The following CENPP variants were observed in gnomAD, a reference collection of about 807,000 sequenced individuals.
CENPP encodes centromere protein P.
In CENPP, 24 loss-of-function variants were observed where a neutral mutation model predicts 35.6. The ratio of observed to expected loss-of-function variants is 0.67; its 90% confidence interval spans 0.49 to 0.95. CENPP has a LOEUF of 0.95. Among genes scored for constraint, CENPP ranks in the 40% least tolerant of loss-of-function variants. CENPP has a pLI of 0.00. For synonymous variants in CENPP, 120 were observed against 125.5 expected, an observed-to-expected ratio of 0.96 and a Z score of 0.29; for missense variants, 332 against 345.3, an observed-to-expected ratio of 0.96 and a Z score of 0.31.
intron 5 of CENPP, among the ~76,000 whole-genome samples, chr9:92,538,530 A>T (rs774779483): frequency 2.0e-5 from 3 of 152,248 alleles, no homozygotes; most frequent in Admixed American, 6.5e-5. Context: ...TTAAAGTAAC[A>T]GCACTGAGGA....
intron 5 of CENPP, among the ~76,000 whole-genome samples, chr9:92,525,540 C>G (rs537379077): frequency 3.9e-5 from 6 of 152,236 alleles, no homozygotes; most frequent in African/African-American, 1.2e-4. Context: ...ACGCATTACT[C>G]ATAATGTTTG....
intron 3 of CENPP, among the ~76,000 whole-genome samples, chr9:92,345,266 A>G (rs558213903): frequency 6.6e-6 from 1 of 151,376 alleles, no homozygotes; most frequent in East Asian, 2.0e-4. Flanking sequence ...AAAAACAAAA[A>G]CAAAACAAAC....
At chr9:92,591,139 G>T (rs1850653088) in intron 5 of CENPP, among the ~76,000 whole-genome samples, 1 of 151,742 alleles carries the variant, frequency 6.6e-6, no homozygotes, top group Admixed American at 6.6e-5. Context: ...CCTGCAGGGG[G>T]CCGGGTGCGG....
intron 5 of CENPP, among the ~76,000 whole-genome samples, chr9:92,535,304 T>C (rs1849100763): frequency 6.6e-6 from 1 of 152,192 alleles, no homozygotes. Flanking sequence ...ATATACAGAA[T>C]TTTGCTTTGC....
chr9:92,504,805 C>T (rs1316028500), intron 5 of CENPP, among the ~76,000 whole-genome samples: 1 of 152,184 alleles, frequency 6.6e-6, no homozygotes, highest in Non-Finnish European at 1.5e-5. Flanking sequence ...TCCCAGAGTG[C>T]TGGGATTACT....
At chr9:92,420,189 A>C (rs921042377) in intron 5 of CENPP, among the ~76,000 whole-genome samples, 6 of 152,044 alleles carry the variant, frequency 3.9e-5, no homozygotes, top group Non-Finnish European at 5.9e-5. Flanking sequence ...TCAGACCACT[A>C]TCTCTATGTA....
chr9:92,382,938 G>A (rs371553516), intron 5 of CENPP, among the ~76,000 whole-genome samples: 24 of 116,078 alleles, frequency 2.1e-4, no homozygotes, highest in Non-Finnish European at 3.3e-4. Flanking sequence ...TTGCTCTGTC[G>A]CCTAGGCTAG....
At chr9:92,430,795 G>A (rs1483312101) in intron 5 of CENPP, among the ~76,000 whole-genome samples, 4 of 151,696 alleles carry the variant, frequency 2.6e-5, no homozygotes. Context: ...TTGTTGTTTT[G>A]TTTTTATTTA....
chr9:92,403,255 G>T, intron 5 of CENPP: 1 of 1,587,314 alleles, frequency 6.3e-7, no homozygotes, highest in South Asian at 1.1e-5. Flanking sequence ...TTCCATCCAG[G>T]TATTTATCCT....
intron 5 of CENPP, among the ~76,000 whole-genome samples, chr9:92,529,585 A>C (rs572387284): frequency 6.0e-4 from 92 of 152,220 alleles, no homozygotes; most frequent in Non-Finnish European, 1.2e-3. Flanking sequence ...AATGGAAAAA[A>C]AACTATGGTA....
chr9:92,375,449 C>T (rs534205961), intron 4 of CENPP, among the ~76,000 whole-genome samples: 7 of 152,100 alleles, frequency 4.6e-5, no homozygotes, highest in East Asian at 1.9e-4. Flanking sequence ...CACACCACCA[C>T]GCCCGGCTAA....
intron 5 of CENPP, among the ~76,000 whole-genome samples, chr9:92,557,913 G>A (rs1849762620): frequency 6.6e-6 from 1 of 152,080 alleles, no homozygotes; most frequent in African/African-American, 2.4e-5. Context: ...AAAGTGCTGG[G>A]ATTACAGGCG....
At chr9:92,349,379 A>G (rs576764161) in intron 4 of CENPP, among the ~76,000 whole-genome samples, 43 of 151,672 alleles carry the variant, frequency 2.8e-4, no homozygotes, top group African/African-American at 9.6e-4. Context: ...TTTTTGGTGA[A>G]TATAGCATAT....
intron 5 of CENPP, chr9:92,457,054 A>G: frequency 6.9e-6 from 9 of 1,297,202 alleles, no homozygotes; most frequent in Non-Finnish European, 8.8e-6. Flanking sequence ...ATGTAAGATC[A>G]TTTGTACGCA....
At chr9:92,442,956 CAT>C (rs1288506132) in intron 5 of CENPP, among the ~76,000 whole-genome samples, 1 of 151,876 alleles carries the variant, frequency 6.6e-6, no homozygotes, top group Non-Finnish European at 1.5e-5. Flanking sequence ...CTGCCACTAA[CAT>C]AACATGAGGA....
chr9:92,467,427 C>G (rs1404128742), intron 5 of CENPP, among the ~76,000 whole-genome samples: 3 of 152,204 alleles, frequency 2.0e-5, no homozygotes, highest in Non-Finnish European at 4.4e-5. Context: ...GCAAAATGAG[C>G]ATAGCTCAGT....
chr9:92,551,628 C>A (rs1371378106), intron 5 of CENPP, among the ~76,000 whole-genome samples: 37 of 151,962 alleles, frequency 2.4e-4, no homozygotes, highest in Admixed American at 2.4e-3. Context: ...ATCACCCAAG[C>A]AGTATACACT....
chr9:92,405,708 A>G (rs1843286469), intron 5 of CENPP, among the ~76,000 whole-genome samples: 1 of 152,248 alleles, frequency 6.6e-6, no homozygotes. Flanking sequence ...TAGATACCAT[A>G]TGTCCAAATT....
Position 92,435,903 on chromosome 9 carries a change from TC to T in CENPP, c.564+56045del, listed in dbSNP as rs1844234682. Among the ~76,000 whole-genome samples, 3 of 152,340 alleles carry T rather than the reference TC, an allele frequency of 2.0e-5. No homozygotes were observed. The South Asian group carries it at 6.2e-4, about 32-fold the overall frequency. On this transcript the variant is annotated intron_variant, in intron 5 of 7. Coordinates refer to ENST00000375587, the MANE Select transcript of CENPP (RefSeq NM_001012267.3). ...CAGGTTTTTGTGTCAACATGAGTCT[TC>T]ATTTCTATGGGGTACATGCCCAGAG...
Sources: gnomAD v4.1 joint callset for allele counts (sites outside exome capture counted in the v4.1 genomes callset) on GRCh38, gnomAD v4.1.1 for gene constraint, MANE v1.5 for transcripts, NCBI Gene and HGNC (gene_info 2026-07-23, HGNC 2026-07-21) for gene names.